The following ELP6 variants were observed in gnomAD, a reference collection of about 807,000 sequenced individuals.
ELP6 encodes the protein elongator acetyltransferase complex subunit 6.
ELP6 carries 23 observed loss-of-function variants against 28.1 expected under a neutral mutation model. The observed-to-expected ratio is 0.82, with a 90% CI of 0.59 to 1.16. The LOEUF (loss-of-function observed/expected upper bound fraction) is 1.16, where lower values mean the gene tolerates loss of function less well. Among genes scored for constraint, ELP6 ranks in the 50% most tolerant of loss-of-function variants. ELP6 has a pLI of 0.00. For missense variants in ELP6, 313 were observed against 334.6 expected, an observed-to-expected ratio of 0.94 and a Z score of 0.50; for synonymous variants, 132 against 135.8, an observed-to-expected ratio of 0.97 and a Z score of 0.19.
intron 3 of ELP6, among the ~76,000 whole-genome samples, chr3:47,504,909 A>G (rs1003956820): frequency 6.6e-6 from 1 of 152,160 alleles, no homozygotes; most frequent in Non-Finnish European, 1.5e-5. Context: ...GCAGTGAGCC[A>G]TGATCATGCT....
At chr3:47,504,614 A>G in intron 3 of ELP6, 166 bp from the exon 4 acceptor site, 4 of 985,376 alleles carry the variant, frequency 4.1e-6, no homozygotes, top group Non-Finnish European at 4.8e-6. Context: ...CCAAACCCAT[A>G]ATGCCCCAAC....
In ELP6 at chr3:47,509,071, T is replaced by C. The variant is rs563793963; in HGVS notation, c.204+1113A>G. ...GAGCCACCGTGCCCAGCCTTTTTTT[T>C]CCTTTTTTTATTGAAACGCTGTGTC... is the stretch of plus-strand genomic sequence containing the variant. On this transcript the variant is annotated intron_variant, in intron 3 of 6. Coordinates refer to ENST00000296149, the MANE Select transcript of ELP6 (RefSeq NM_001031703.3). Among the ~76,000 whole-genome samples, 74 of 151,000 alleles carry C rather than the reference T, an allele frequency of 4.9e-4. 2 individuals carry two copies. Among genetic ancestry groups the C allele is most frequent in the Non-Finnish European group, 1.3e-4 (9 of 67,798 alleles).
intron 2 of ELP6, 67 bp downstream of exon 2, chr3:47,511,081 G>A (rs1709002020): frequency 7.3e-7 from 1 of 1,364,036 alleles, no homozygotes; most frequent in Admixed American, 1.8e-5. Context: ...TCCTTAAATA[G>A]TTTTGGTTTT....
chr3:47,496,217 T>A lies in ELP6; in HGVS notation c.673-20A>T, dbSNP rs770187721. The A allele has an allele frequency of 6.2e-7, 1 of 1,611,432 alleles. No homozygotes were observed. Among genetic ancestry groups the A allele is most frequent in the South Asian group, 1.1e-5 (1 of 90,660 alleles). On this transcript the variant is annotated intron_variant, in intron 6 of 6. Transcript: ENST00000296149. ...CCTCAGCTACAGAGACAGAGAAGAA[T>A]GAAAGAGGAGCAGCCACCCCAGGAC...
In ELP6 at chr3:47,503,872, CAG is replaced by C. The variant is rs1425835667; in HGVS notation, c.323+456_323+457del. Among the ~76,000 whole-genome samples the C allele has an allele frequency of 2.6e-5, 4 of 152,124 alleles. No homozygotes were observed. In the East Asian group the frequency reaches 7.7e-4, roughly 29 times the overall value. On this transcript the variant is annotated intron_variant, in intron 4 of 6. Coordinates refer to ENST00000296149, the MANE Select transcript of ELP6 (RefSeq NM_001031703.3). ...CGCTACTGCACTCCAGCCTGGGTGA[CAG>C]AGCGAGACTCCATCTCAACAACAAC...
rs1156510782 is a variant in ELP6, at chr3:47,496,862, A to C, written c.673-665T>G. The C allele has an allele frequency of 1.9e-5, 19 of 985,336 alleles. No individual in the cohort carries two copies. The South Asian group carries it at 7.0e-4, about 37-fold the overall frequency. The allele number at this position is 985,336 out of a possible 1,614,324, so 61.0% of individuals were successfully genotyped here. ...GACTAATTTTGAAAATCACATTAGA[A>C]TTTGTACATTCACTACAGAGGCCCA... is the stretch of plus-strand genomic sequence containing the variant. On this transcript the variant is annotated intron_variant, in intron 6 of 6. Coordinates refer to ENST00000296149, the MANE Select transcript of ELP6 (RefSeq NM_001031703.3).
At position 47,512,533 on chromosome 3, in the gene ELP6, G is replaced by A; in HGVS notation, c.54+1004C>T. 4 of 901,808 alleles carry A rather than the reference G, an allele frequency of 4.4e-6. No homozygotes were observed. The South Asian group carries it at 2.0e-4, about 46-fold the overall frequency. The allele number at this position is 901,808 out of a possible 1,614,324, so 55.9% of individuals were successfully genotyped here. Reference sequence around the variant, plus strand: ...GCCAGTGCACTCCAGCCCAGGCGAGGGAGCGAGACTCCATCAAAAATAAAT... The same window carrying A: ...GCCAGTGCACTCCAGCCCAGGCGAGAGAGCGAGACTCCATCAAAAATAAAT... On this transcript the variant is annotated intron_variant, in intron 1 of 6. Transcript: ENST00000296149.
rs923591062 is a variant in ELP6 at position 47,499,926 on chromosome 3, G to A, written c.526-1494C>T. The A allele has an allele frequency of 7.1e-5, 96 of 1,344,378 alleles. 1 individual carries two copies. The highest frequency in any genetic ancestry group is 1.8e-4 in the African/African-American group (12 of 66,696). 83.3% of individuals were successfully genotyped at this position (1,344,378 alleles called of 1,614,324 possible). A position where few individuals can be genotyped will look rare whatever the true frequency, so the allele number is the denominator to read the frequency against. On this transcript the variant is annotated intron_variant, in intron 5 of 6. Coordinates refer to ENST00000296149, the MANE Select transcript of ELP6 (RefSeq NM_001031703.3). ...GAGGTGGAGGACGTGACCCTCAACC[G>A]TCGTGCCTGCAGCTTCCGAGTCCTG...
At chr3:47,513,077 G>T in intron 1 of ELP6, 1 of 929,624 alleles carries the variant, frequency 1.1e-6, no homozygotes, top group Non-Finnish European at 1.3e-6. Context: ...TGCAACCTCC[G>T]CCTCCCGGGT....
At chr3:47,511,495 TCTCTTC>T (rs1709016687) in intron 1 of ELP6, 1 of 1,238,040 alleles carries the variant, frequency 8.1e-7, no homozygotes, top group Non-Finnish European at 1.0e-6. Context: ...TAAACTTATT[TCTCTTC>T]CTCACTTCTC....
At chr3:47,506,270 G>T (rs920575828) in intron 3 of ELP6, among the ~76,000 whole-genome samples, 2 of 152,122 alleles carry the variant, frequency 1.3e-5, no homozygotes, top group African/African-American at 4.8e-5. Flanking sequence ...CTGCAGGACC[G>T]GGGCGAAATT....
In ELP6 at chr3:47,513,691, G is replaced by A. The variant is rs947775253; in HGVS notation, c.-101C>T. On this transcript the variant is annotated 5_prime_UTR_variant, in exon 1 of 7. Coordinates refer to ENST00000296149, the MANE Select transcript of ELP6 (RefSeq NM_001031703.3). ...ACACCCGACAGCCCGGCTCGCGCAA[G>A]GAAGCGCGCATGCGCAATGCCACTT... 1.3e-6 allele frequency: 2 copies of A among 1,493,880 alleles called. No homozygotes were observed. The highest frequency in any genetic ancestry group is 1.7e-4 in the Middle Eastern group (1 of 5,840). 92.5% of individuals were successfully genotyped at this position (1,493,880 alleles called of 1,614,324 possible).
chr3:47,501,495 G>A (rs577076698), intron 5 of ELP6, 155 bp downstream of exon 5: 1 of 683,734 alleles, frequency 1.5e-6, no homozygotes, highest in African/African-American at 1.8e-5. Flanking sequence ...TGGCAGGTAA[G>A]GGAAAACAGG....
intron 1 of ELP6, 29 bp from the exon 2 acceptor site, chr3:47,511,255 T>G: frequency 6.2e-7 from 1 of 1,611,220 alleles, no homozygotes; most frequent in South Asian, 1.1e-5. Flanking sequence ...ACAAAAAGGT[T>G]AGACTCCCTG....
chr3:47,506,094 G>A (rs1003670675), intron 3 of ELP6, among the ~76,000 whole-genome samples: 1 of 152,194 alleles, frequency 6.6e-6, no homozygotes, highest in Non-Finnish European at 1.5e-5. Flanking sequence ...GACATCACAT[G>A]TTGGTAGGTT....
At chr3:47,513,292 G>A (rs2029945397) in intron 1 of ELP6, 1 of 1,336,516 alleles carries the variant, frequency 7.5e-7, no homozygotes, top group East Asian at 3.2e-5. Flanking sequence ...GCGCCCGGCC[G>A]CTTCCCAGGG....
chr3:47,504,389 C>G lies in ELP6; in HGVS notation c.264G>C (p.Lys88Asn). The change falls in exon 4 of 7, where the codon AAG (lysine) becomes AAC (asparagine). Residue 88 changes from lysine to asparagine, a missense_variant. Transcript: ENST00000296149. The stretch of plus-strand genomic sequence containing the variant: ...CCTGGAAGACGACGTCCACTGCAGA[C>G]TTGAGTCCCTCAAGGAACACAAGCT... ...RGQLVFLEGL[K>N]SAVDVVFQAQ... The G allele has an allele frequency of 1.2e-6, 2 of 1,610,574 alleles. No individual in the cohort carries two copies. The highest frequency in any genetic ancestry group is 1.7e-6 in the Non-Finnish European group (2 of 1,178,144).
Position 47,510,263 on chromosome 3 carries a change from C to T in ELP6, c.134-9G>A. 1 of 1,610,250 alleles carries T rather than the reference C, an allele frequency of 6.2e-7. No homozygotes were observed. The highest frequency in any genetic ancestry group is 1.1e-5 in the South Asian group (1 of 90,926). On this transcript the variant is annotated splice_polypyrimidine_tract_variant and intron_variant, in intron 2 of 6. Coordinates refer to ENST00000296149, the MANE Select transcript of ELP6 (RefSeq NM_001031703.3). ...GCAGACTTTACAATTAGCTAGAAAA[C>T]AAAACAATTATTTTAAATAAATCCT...
intron 4 of ELP6, among the ~76,000 whole-genome samples, chr3:47,502,772 T>TC (rs1162042362): frequency 2.6e-5 from 4 of 151,986 alleles, no homozygotes; most frequent in Admixed American, 6.6e-5. Flanking sequence ...CCGAGGAAGT[T>TC]GAGTTTGCAG....
Sources: gnomAD v4.1 joint callset for allele counts (sites outside exome capture counted in the v4.1 genomes callset) on GRCh38, gnomAD v4.1.1 for gene constraint, MANE v1.5 for transcripts, NCBI Gene and HGNC (gene_info 2026-07-23, HGNC 2026-07-21) for gene names.